Variants in SGCZ observed in about 807,000 individuals in gnomAD.
SGCZ encodes sarcoglycan zeta.
A neutral mutation model predicts 41.3 loss-of-function variants in SGCZ; 40 were observed. The observed-to-expected ratio is 0.97, with a 90% CI of 0.75 to 1.26. The LOEUF (loss-of-function observed/expected upper bound fraction) is 1.26, where lower values mean the gene tolerates loss of function less well. Ranked by LOEUF, SGCZ falls within the 50% of genes most tolerant of loss-of-function variation. The probability of loss-of-function intolerance (pLI) is 0.00; values close to 1 mark genes in which losing one functional copy is unlikely to be tolerated. For synonymous variants in SGCZ, 206 were observed against 137.5 expected (o/e 1.50, Z -3.49); for missense variants, 552 against 369.8 (o/e 1.49, Z -4.04).
chr8:14,296,033 G>A (rs1800999947), intron 3 of SGCZ, among the ~76,000 whole-genome samples: 1 of 152,110 alleles, frequency 6.6e-6, no homozygotes, highest in Admixed American at 6.6e-5. Flanking sequence ...ACCAGAAGGT[G>A]GAGAGACACT....
At chr8:14,978,464 C>G (rs1801556387) in intron 1 of SGCZ, among the ~76,000 whole-genome samples, 1 of 84,198 alleles carries the variant, frequency 1.2e-5, no homozygotes, top group African/African-American at 6.2e-5. Flanking sequence ...GAGTGAGACA[C>G]CGTCACAAAA....
Position 14,089,359 on chromosome 8 carries a change from A to C in SGCZ, c.*1084T>G, listed in dbSNP as rs867006607. Among the ~76,000 whole-genome samples, 54 of 152,080 alleles carry C rather than the reference A, an allele frequency of 3.6e-4. No homozygotes were observed. Among genetic ancestry groups the C allele is most frequent in the African/African-American group, 1.2e-3 (51 of 41,536 alleles). On this transcript the variant is annotated 3_prime_UTR_variant, in exon 8 of 8. Coordinates refer to ENST00000382080, the MANE Select transcript of SGCZ (RefSeq NM_139167.4). ...GTCAAGAAATTTTAGTTAGCTTCTGACTTCTTTAAATCTTAACCTCCAATA... is the reference window on the plus strand; with the variant it reads ...GTCAAGAAATTTTAGTTAGCTTCTGCCTTCTTTAAATCTTAACCTCCAATA...
At chr8:15,070,676 T>C (rs1805316371) in intron 1 of SGCZ, among the ~76,000 whole-genome samples, 1 of 152,170 alleles carries the variant, frequency 6.6e-6, no homozygotes, top group African/African-American at 2.4e-5. Flanking sequence ...TAAAGAGCAA[T>C]TCAAGGCTCA....
chr8:14,644,210 A>G (rs1807125438), intron 1 of SGCZ, among the ~76,000 whole-genome samples: 1 of 151,594 alleles, frequency 6.6e-6, no homozygotes, highest in Admixed American at 6.6e-5. Context: ...GTATTTTTTT[A>G]GATGAGGTAA....
intron 5 of SGCZ, among the ~76,000 whole-genome samples, chr8:14,123,606 A>G (rs1194819671): frequency 6.6e-6 from 1 of 152,188 alleles, no homozygotes; most frequent in Non-Finnish European, 1.5e-5. Flanking sequence ...TCTCTGTAGC[A>G]ATGCAAAAAC....
At chr8:14,270,260 A>T (rs912008211) in intron 3 of SGCZ, among the ~76,000 whole-genome samples, 17 of 152,084 alleles carry the variant, frequency 1.1e-4, no homozygotes, top group Admixed American at 9.2e-4. Flanking sequence ...AGAACCTGGG[A>T]GGCGGAGGTT....
rs1457633560 is a variant in SGCZ at position 14,085,506 on chromosome 8, C to T, written c.*4937G>A. On this transcript the variant is annotated 3_prime_UTR_variant, in exon 8 of 8. Transcript: ENST00000382080. Reference sequence around the variant, plus strand: ...AACTACAGTTCATTATATCTCATTTCCTTTAATGGTTTTCATTGGCTTTCT... The same window carrying T: ...AACTACAGTTCATTATATCTCATTTTCTTTAATGGTTTTCATTGGCTTTCT... 6.6e-6 allele frequency among the ~76,000 whole-genome samples: 1 copy of T among 151,760 alleles called. No individual in the cohort carries two copies. The highest frequency in any genetic ancestry group is 1.9e-4 in the East Asian group (1 of 5,140).
At chr8:14,738,585 C>G (rs1398950533) in intron 1 of SGCZ, among the ~76,000 whole-genome samples, 1 of 152,044 alleles carries the variant, frequency 6.6e-6, no homozygotes, top group African/African-American at 2.4e-5. Context: ...ATACACCACT[C>G]TTAAGTTTTC....
At chr8:14,677,470 C>A (rs1808312944) in intron 1 of SGCZ, among the ~76,000 whole-genome samples, 2 of 152,018 alleles carry the variant, frequency 1.3e-5, no homozygotes, top group African/African-American at 4.8e-5. Flanking sequence ...TTATGAATAA[C>A]AACAAACTGA....
intron 1 of SGCZ, among the ~76,000 whole-genome samples, chr8:15,102,710 A>G (rs1806661455): frequency 6.6e-6 from 1 of 152,228 alleles, no homozygotes; most frequent in African/African-American, 2.4e-5. Context: ...TAAAAAAATT[A>G]TAAAATGTTT....
At chr8:15,097,802 AT>A (rs1806411186) in intron 1 of SGCZ, among the ~76,000 whole-genome samples, 2 of 101,808 alleles carry the variant, frequency 2.0e-5, no homozygotes, top group African/African-American at 1.1e-4. Flanking sequence ...ATATACGTGT[AT>A]ATATATATAT....
chr8:14,533,080 G>T (rs1292186648), intron 2 of SGCZ, among the ~76,000 whole-genome samples: 2 of 151,852 alleles, frequency 1.3e-5, no homozygotes, highest in African/African-American at 4.8e-5. Context: ...GTGCCATGTT[G>T]GTATGCTGCA....
intron 2 of SGCZ, among the ~76,000 whole-genome samples, chr8:14,351,805 C>A (rs1301884874): frequency 2.0e-5 from 3 of 151,970 alleles, no homozygotes; most frequent in Non-Finnish European, 4.4e-5. Flanking sequence ...AAATGGGTCT[C>A]TTTTCAGCTT....
chr8:14,381,976 G>A (rs951877174), intron 2 of SGCZ, among the ~76,000 whole-genome samples: 2 of 151,998 alleles, frequency 1.3e-5, no homozygotes, highest in African/African-American at 4.8e-5. Flanking sequence ...TTCCTTGTTG[G>A]TCAAATTTGT....
intron 1 of SGCZ, among the ~76,000 whole-genome samples, chr8:14,713,101 T>C (rs1393393186): frequency 6.6e-6 from 1 of 152,180 alleles, no homozygotes; most frequent in African/African-American, 2.4e-5. Context: ...AAAAGTTTCT[T>C]GGAAATTTAA....
intron 1 of SGCZ, among the ~76,000 whole-genome samples, chr8:14,961,762 T>C (rs1800974365): frequency 6.6e-6 from 1 of 152,078 alleles, no homozygotes; most frequent in Non-Finnish European, 1.5e-5. Context: ...ATAAAAGCAA[T>C]GATGTAGGGA....
intron 1 of SGCZ, among the ~76,000 whole-genome samples, chr8:14,792,960 C>T (rs1245369083): frequency 6.6e-6 from 1 of 152,170 alleles, no homozygotes; most frequent in Non-Finnish European, 1.5e-5. Flanking sequence ...TAACTCAGAT[C>T]TCTCAGTCTT....
chr8:14,123,583 T>C (rs757324216), intron 5 of SGCZ, among the ~76,000 whole-genome samples: 1 of 152,200 alleles, frequency 6.6e-6, no homozygotes, highest in Non-Finnish European at 1.5e-5. Flanking sequence ...CTCCATCTTC[T>C]GAATGAGTTA....
At chr8:14,586,663 C>G (rs969168356) in intron 1 of SGCZ, among the ~76,000 whole-genome samples, 3 of 152,132 alleles carry the variant, frequency 2.0e-5, no homozygotes, top group Non-Finnish European at 4.4e-5. Flanking sequence ...GGAAGGACCT[C>G]AGGATGTCTC....
Sources: allele counts gnomAD v4.1 joint callset (sites outside exome capture counted in the v4.1 genomes callset), GRCh38; gene constraint gnomAD v4.1.1; transcripts MANE v1.5; gene names NCBI Gene and HGNC (gene_info 2026-07-23, HGNC 2026-07-21).